The following MSRB3 variants were observed in gnomAD, a reference collection of about 807,000 sequenced individuals.
The protein encoded by MSRB3 is methionine-R-sulfoxide reductase B3.
In MSRB3, 13 loss-of-function variants were observed where a neutral mutation model predicts 21.0. The observed-to-expected ratio is 0.62, with a 90% confidence interval of 0.40 to 0.98. The LOEUF (loss-of-function observed/expected upper bound fraction) is 0.98, where lower values mean the gene tolerates loss of function less well. Among genes scored for constraint, MSRB3 ranks in the 50% least tolerant of loss-of-function variants. The pLI is 0.00. For synonymous variants in MSRB3, 87 were observed against 88.6 expected (o/e 0.98, Z 0.10); for missense variants, 199 against 230.3 (o/e 0.86, Z 0.88).
At chr12:65,289,038 C>G (rs908080563) in intron 1 of MSRB3, among the ~76,000 whole-genome samples, 3 of 152,130 alleles carry the variant, frequency 2.0e-5, no homozygotes, top group African/African-American at 7.2e-5. Flanking sequence ...GTGAAAGATG[C>G]CTGTGAGACA....
intron 5 of MSRB3, among the ~76,000 whole-genome samples, chr12:65,405,955 A>G (rs1037867197): frequency 2.0e-5 from 3 of 151,884 alleles, no homozygotes; most frequent in African/African-American, 4.8e-5. Flanking sequence ...TGAGTTTTTT[A>G]TATATTTTTG....
chr12:65,307,088 A>G (rs1030782685), intron 1 of MSRB3: 2 of 960,432 alleles, frequency 2.1e-6, no homozygotes, highest in African/African-American at 1.8e-5. Flanking sequence ...GAAAAAATAC[A>G]TTTTTATTTA....
rs1873782057 is a variant in MSRB3 at position 65,308,388 on chromosome 12, A to T, written c.-51-141A>T. On this transcript the variant is annotated intron_variant, in intron 1 of 6. Transcript: ENST00000308259. ...ATTGAAAGTAAGCTCACGGGCTGAA[A>T]AATAGGCGTTTGAAATTTATTAGCA... 4 of 1,159,998 alleles carry T rather than the reference A, an allele frequency of 3.4e-6. No homozygotes were observed. In the Admixed American group the frequency reaches 6.1e-5, roughly 18 times the overall value. 71.9% of individuals were successfully genotyped at this position (1,159,998 alleles called of 1,614,324 possible).
chr12:65,354,143 C>A (rs995987874), intron 4 of MSRB3, among the ~76,000 whole-genome samples: 8 of 152,044 alleles, frequency 5.3e-5, no homozygotes, highest in Admixed American at 1.3e-4. Flanking sequence ...ACCTTTCTCT[C>A]TGGCTGCCCT....
chr12:65,391,559 A>T (rs1244427090), intron 5 of MSRB3, among the ~76,000 whole-genome samples: 2 of 152,210 alleles, frequency 1.3e-5, no homozygotes, highest in Non-Finnish European at 2.9e-5. Flanking sequence ...ATTTATATTC[A>T]TACAAGTAAT....
intron 5 of MSRB3, among the ~76,000 whole-genome samples, chr12:65,403,698 C>T (rs1223061684): frequency 6.6e-6 from 1 of 152,162 alleles, no homozygotes; most frequent in Non-Finnish European, 1.5e-5. Context: ...CAAATGGCCA[C>T]CCAGTTTTGT....
chr12:65,419,059 C>T (rs2136639355), intron 5 of MSRB3: 3 of 702,104 alleles, frequency 4.3e-6, no homozygotes, highest in Middle Eastern at 3.3e-4. Context: ...GTTCTCCAAG[C>T]TGGCCTTCAG....
chr12:65,458,241 T>C (rs1227331934), intron 6 of MSRB3, among the ~76,000 whole-genome samples: 1 of 152,198 alleles, frequency 6.6e-6, no homozygotes, highest in Non-Finnish European at 1.5e-5. Context: ...AATTCTCACT[T>C]CAGTGCTTAG....
At chr12:65,344,799 A>G (rs1876379669) in intron 4 of MSRB3, among the ~76,000 whole-genome samples, 1 of 152,092 alleles carries the variant, frequency 6.6e-6, no homozygotes, top group Non-Finnish European at 1.5e-5. Flanking sequence ...GAAAAGGCTT[A>G]GCTCAAGGGG....
At chr12:65,377,732 T>C (rs1355074774) in intron 5 of MSRB3, among the ~76,000 whole-genome samples, 1 of 152,204 alleles carries the variant, frequency 6.6e-6, no homozygotes, top group African/African-American at 2.4e-5. Context: ...TTTTATAGTG[T>C]TGGGTTGCTG....
At chr12:65,295,516 C>T (rs1419946038) in intron 1 of MSRB3, among the ~76,000 whole-genome samples, 1 of 150,956 alleles carries the variant, frequency 6.6e-6, no homozygotes, top group East Asian at 1.9e-4. Flanking sequence ...TTGATTCATA[C>T]ATCATTTGGC....
At chr12:65,461,609 G>A (rs1883333662) in intron 6 of MSRB3, among the ~76,000 whole-genome samples, 1 of 152,158 alleles carries the variant, frequency 6.6e-6, no homozygotes, top group South Asian at 2.1e-4. Flanking sequence ...ATTGAGCTTA[G>A]CATGTTCAAC....
intron 5 of MSRB3, among the ~76,000 whole-genome samples, chr12:65,402,846 C>G (rs944422866): frequency 6.6e-6 from 1 of 152,140 alleles, no homozygotes; most frequent in African/African-American, 2.4e-5. Flanking sequence ...AGTTTTTCTT[C>G]TAACATTCAG....
chr12:65,393,829 T>C (rs1260009401), intron 5 of MSRB3, among the ~76,000 whole-genome samples: 1 of 152,042 alleles, frequency 6.6e-6, no homozygotes, highest in Non-Finnish European at 1.5e-5. Context: ...TTATTGTTGA[T>C]GTGTGGGTAT....
At chr12:65,381,977 C>T (rs1430303246) in intron 5 of MSRB3, among the ~76,000 whole-genome samples, 3 of 151,946 alleles carry the variant, frequency 2.0e-5, no homozygotes, top group African/African-American at 7.2e-5. Context: ...TATTTTCACA[C>T]AATAGCATGT....
At chr12:65,301,771 T>C (rs1362266997) in intron 1 of MSRB3, among the ~76,000 whole-genome samples, 10 of 152,212 alleles carry the variant, frequency 6.6e-5, no homozygotes, top group Admixed American at 5.2e-4. Flanking sequence ...GAAAAGGTTA[T>C]TAAAATACTC....
chr12:65,278,917 G>A (rs745542247), intron 1 of MSRB3, 52 bp downstream of exon 1: 15 of 674,130 alleles, frequency 2.2e-5, no homozygotes, highest in Non-Finnish European at 3.7e-5. Flanking sequence ...CTCCCACCCC[G>A]ACCCTGCCAC....
intron 5 of MSRB3, among the ~76,000 whole-genome samples, chr12:65,420,784 T>C (rs899580223): frequency 1.3e-5 from 2 of 152,214 alleles, no homozygotes; most frequent in African/African-American, 2.4e-5. Flanking sequence ...CATCCATGTT[T>C]CTGCATATGA....
intron 4 of MSRB3, among the ~76,000 whole-genome samples, chr12:65,364,173 C>T (rs1202313240): frequency 1.3e-5 from 2 of 152,154 alleles, no homozygotes; most frequent in African/African-American, 4.8e-5. Context: ...GGGAAGGGTA[C>T]ATTCCTTCCC....
Sources: allele counts gnomAD v4.1 joint callset (sites outside exome capture counted in the v4.1 genomes callset), GRCh38; gene constraint gnomAD v4.1.1; transcripts MANE v1.5; gene names NCBI Gene and HGNC (gene_info 2026-07-23, HGNC 2026-07-21).